KCTD12: variants seen among roughly 807,000 people sequenced by gnomAD.
KCTD12 encodes potassium channel tetramerization domain containing 12.
Under a neutral mutation model 22.6 loss-of-function variants are expected in KCTD12, and 16 were observed. The ratio of observed to expected loss-of-function variants is 0.71; its 90% CI spans 0.48 to 1.07. The LOEUF is 1.07. Among genes scored for constraint, KCTD12 ranks in the 50% least tolerant of loss-of-function variants. The pLI is 0.00. For synonymous variants in KCTD12, 260 were observed against 228.0 expected (o/e 1.14, Z -1.26); for missense variants, 452 against 469.2 (o/e 0.96, Z 0.34).
rs2033194707 is a variant in KCTD12 at position 76,880,783 on chromosome 13, A to C, written c.*4388T>G. ...TGTATAATAGTTTACATTACAATTA[A>C]TGTACCCATACCTCAAAACACATTT... On this transcript the variant is annotated 3_prime_UTR_variant, in exon 1 of 1. Transcript: ENST00000377474. 1 of 152,642 alleles carries C rather than the reference A, an allele frequency of 6.6e-6. No homozygotes were observed. The highest frequency in any genetic ancestry group is 1.5e-5 in the Non-Finnish European group (1 of 68,006). The allele number at this position is 152,642 out of a possible 1,614,324, so 9.5% of individuals were successfully genotyped here.
At position 76,885,831 on chromosome 13, in the gene KCTD12, G is replaced by A. The variant is rs759704198; in HGVS notation, c.318C>T (p.Tyr106=). The part of the protein sequence containing the change: ...LRDLQLVLPD[Y]FPERSRLQRE... Reference sequence around the variant, plus strand: ...GCTGCAGCCGGCTGCGCTCGGGGAAGTAGTCGGGCAGCACGAGCTGCAAGT... The same window carrying A: ...GCTGCAGCCGGCTGCGCTCGGGGAAATAGTCGGGCAGCACGAGCTGCAAGT... The change falls in exon 1 of 1, where the codon TAC becomes TAT. Residue 106 remains tyrosine, a synonymous_variant. Transcript: ENST00000377474. The surrounding 1 kb of genome is among the most constrained non-coding windows in gnomAD (Gnocchi z 5.1). 1.1e-5 allele frequency: 18 copies of A among 1,595,530 alleles called. No individual in the cohort carries two copies. Among genetic ancestry groups the A allele is most frequent in the Non-Finnish European group, 1.5e-5 (18 of 1,178,864 alleles).
At position 76,881,955 on chromosome 13, in the gene KCTD12, T is replaced by C. The variant is rs952195466; in HGVS notation, c.*3216A>G. On this transcript the variant is annotated 3_prime_UTR_variant, in exon 1 of 1. Coordinates refer to ENST00000377474, the MANE Select transcript of KCTD12 (RefSeq NM_138444.4). ...ATCAAATGGTAATTAGGGCAACATA[T>C]GTAAATGCATGCCTCTGAATCAGAT... 16 of 152,270 alleles carry C rather than the reference T, an allele frequency of 1.1e-4. No individual in the cohort carries two copies. The highest frequency in any genetic ancestry group is 8.5e-4 in the Admixed American group (13 of 15,298). 9.4% of individuals were successfully genotyped at this position (152,270 alleles called of 1,614,324 possible).
Position 76,885,660 on chromosome 13 carries a change from C to A in KCTD12, c.489G>T (p.Glu163Asp), listed in dbSNP as rs776148938. The A allele has an allele frequency of 1.3e-5, 19 of 1,476,094 alleles. No homozygotes were observed. Among genetic ancestry groups the A allele is most frequent in the Non-Finnish European group, 1.6e-5 (18 of 1,126,258 alleles). The allele number at this position is 1,476,094 out of a possible 1,614,324, so 91.4% of individuals were successfully genotyped here. A position where few individuals can be genotyped will look rare whatever the true frequency, so the allele number is the denominator to read the frequency against. The change falls in exon 1 of 1, where the codon GAG becomes GAT. Residue 163 changes from glutamate (E) to aspartate (D), a missense_variant. Glu to Asp is a conservative substitution (Grantham distance 45). This residue lies in a region of KCTD12 where 330 missense variants were observed against 296.5 expected (regional missense o/e 1.11). Coordinates refer to ENST00000377474, the MANE Select transcript of KCTD12 (RefSeq NM_138444.4). The surrounding 1 kb of genome is among the most constrained non-coding windows in gnomAD (Gnocchi z 5.1). ...CAGAGGCGCCCTCCTGCTGTTCGGG[C>A]TCCGAGTAGCCAAGCGGCAGCAGCT... ...GDELLPLGYS[E>D]PEQQEGASAG...
rs542216619 is a variant in KCTD12, at chr13:76,881,293, A to C, written c.*3878T>G. 1 of 152,566 alleles carries C rather than the reference A, an allele frequency of 6.6e-6. No homozygotes were observed. Among genetic ancestry groups the C allele is most frequent in the Non-Finnish European group, 1.5e-5 (1 of 67,962 alleles). 9.5% of individuals were successfully genotyped at this position (152,566 alleles called of 1,614,324 possible). The stretch of plus-strand genomic sequence containing the variant: ...ATTTGTGATTTAGACTATAAAATAA[A>C]TTCTCAAGGAATTCAACCCCTCCAG... On this transcript the variant is annotated 3_prime_UTR_variant, in exon 1 of 1. Transcript: ENST00000377474.
Position 76,884,118 on chromosome 13 carries a change from C to T in KCTD12, c.*1053G>A, listed in dbSNP as rs2033233349. On this transcript the variant is annotated 3_prime_UTR_variant, in exon 1 of 1. Transcript: ENST00000377474. The stretch of plus-strand genomic sequence containing the variant: ...CTTCCAACTTTCAAATCATAAATGA[C>T]TATGTCTGCTTCTCCCTTCCCACCC... The T allele has an allele frequency of 6.6e-6, 1 of 152,202 alleles. No homozygotes were observed. The highest frequency in any genetic ancestry group is 3.2e-3 in the Middle Eastern group (1 of 316). 9.4% of individuals were successfully genotyped at this position (152,202 alleles called of 1,614,324 possible).
rs1239999424 is a variant in KCTD12, at chr13:76,885,600, G to A, written c.549C>T (p.Ser183=). ...GAPSPTLELA[S]RSPSGGAAGP... The stretch of plus-strand genomic sequence containing the variant: ...CCGCCGCGCCCCCGGACGGACTGCG[G>A]CTAGCCAGCTCCAGCGTGGGCGACG... The change falls in exon 1 of 1, where the codon AGC becomes AGT. Residue 183 remains serine, a synonymous_variant. Coordinates refer to ENST00000377474, the MANE Select transcript of KCTD12 (RefSeq NM_138444.4). The surrounding 1 kb of genome is among the most constrained non-coding windows in gnomAD (Gnocchi z 5.1). 3.3e-6 allele frequency: 5 copies of A among 1,528,260 alleles called. No individual in the cohort carries two copies. Among genetic ancestry groups the A allele is most frequent in the Non-Finnish European group, 4.4e-6 (5 of 1,145,524 alleles). 94.7% of individuals were successfully genotyped at this position (1,528,260 alleles called of 1,614,324 possible). A position where few individuals can be genotyped will look rare whatever the true frequency, so the allele number is the denominator to read the frequency against.
In KCTD12 at chr13:76,885,357, C is replaced by T. The variant is rs2033252381; in HGVS notation, c.792G>A (p.Glu264=). 1.2e-6 allele frequency: 2 copies of T among 1,613,934 alleles called. No homozygotes were observed. The highest frequency in any genetic ancestry group is 1.3e-5 in the African/African-American group (1 of 75,064). The part of the protein sequence containing the change: ...NESRDPDRPP[E]RYTSRYYLKF... The stretch of plus-strand genomic sequence containing the variant: ...TGAGGTAATAGCGCGAGGTGTAGCG[C>T]TCCGGGGGACGGTCGGGGTCCCGGC... The change falls in exon 1 of 1, where the codon GAG becomes GAA. Residue 264 remains glutamate, a synonymous_variant. Transcript: ENST00000377474. This position sits in a 1 kb window ranked among gnomAD's most constrained non-coding sequence, Gnocchi z 5.1.
Position 76,884,707 on chromosome 13 carries a change from C to A in KCTD12, c.*464G>T. ...AAACACTAACCCCAGACAGTGGAAC[C>A]AATCCTGATCTCTTAAACCCCCAGT... On this transcript the variant is annotated 3_prime_UTR_variant, in exon 1 of 1. Coordinates refer to ENST00000377474, the MANE Select transcript of KCTD12 (RefSeq NM_138444.4). 6.2e-6 allele frequency: 1 copy of A among 160,556 alleles called. No individual in the cohort carries two copies. 9.9% of individuals were successfully genotyped at this position (160,556 alleles called of 1,614,324 possible).
At position 76,881,101 on chromosome 13, in the gene KCTD12, C is replaced by T. The variant is rs1393989773; in HGVS notation, c.*4070G>A. The T allele has an allele frequency of 4.6e-5, 7 of 152,214 alleles. No homozygotes were observed. The highest frequency in any genetic ancestry group is 1.4e-4 in the African/African-American group (6 of 41,542). The allele number at this position is 152,214 out of a possible 1,614,324, so 9.4% of individuals were successfully genotyped here. On this transcript the variant is annotated 3_prime_UTR_variant, in exon 1 of 1. Transcript: ENST00000377474. ...AGATACTGAAAATAGGAGTATTTTA[C>T]TTATTTCTCAAGAGACAGACTTATG...
rs766370213 is a variant in KCTD12 at position 76,885,717 on chromosome 13, G to C, written c.432C>G (p.Arg144=). ...CCAGCGAGCCCTCCTTGTGCACCCC[G>C]CGCCGCGAGGGCGGCGGCCCCGGGC... is the stretch of plus-strand genomic sequence containing the variant. ...QPGPGPPPSR[R]GVHKEGSLGD... The change falls in exon 1 of 1, where the codon CGC becomes CGG. Residue 144 remains arginine (R), a synonymous_variant. Coordinates refer to ENST00000377474, the MANE Select transcript of KCTD12 (RefSeq NM_138444.4). This position sits in a 1 kb window ranked among gnomAD's most constrained non-coding sequence, Gnocchi z 5.1. The C allele has an allele frequency of 3.5e-4, 489 of 1,405,902 alleles. 3 individuals are homozygous for C. The highest frequency in any genetic ancestry group is 2.2e-4 in the Middle Eastern group (1 of 4,624). 87.1% of individuals were successfully genotyped at this position (1,405,902 alleles called of 1,614,324 possible). A position where few individuals can be genotyped will look rare whatever the true frequency, so the allele number is the denominator to read the frequency against.
chr13:76,885,152 G>C lies in KCTD12; in HGVS notation c.*19C>G, dbSNP rs552984411. ...AGGAGAAGGACTGGGCGCTGGAGTG[G>C]CGAGGGGGTCTGGGGAGCTCACTCC... is the stretch of plus-strand genomic sequence containing the variant. On this transcript the variant is annotated 3_prime_UTR_variant, in exon 1 of 1. Transcript: ENST00000377474. This position sits in a 1 kb window ranked among gnomAD's most constrained non-coding sequence, Gnocchi z 5.1. 13 of 1,602,932 alleles carry C rather than the reference G, an allele frequency of 8.1e-6. No individual in the cohort carries two copies. Among genetic ancestry groups the C allele is most frequent in the Non-Finnish European group, 1.0e-5 (12 of 1,172,710 alleles).
chr13:76,885,510 G>T lies in KCTD12; in HGVS notation c.639C>A (p.Gly213=). The part of the protein sequence containing the change: ...GSRRSGYITI[G]YRGSYTIGRD... ...GCCCGATGGTGTAGGAGCCGCGGTA[G>T]CCGATGGTGATGTAGCCCGAGCGCC... is the stretch of plus-strand genomic sequence containing the variant. The change falls in exon 1 of 1, where the codon GGC becomes GGA. Residue 213 remains glycine, a synonymous_variant. Transcript: ENST00000377474. This position sits in a 1 kb window ranked among gnomAD's most constrained non-coding sequence, Gnocchi z 5.1. The T allele has an allele frequency of 6.2e-7, 1 of 1,600,626 alleles. No individual in the cohort carries two copies.
rs770446602 is a variant in KCTD12, at chr13:76,885,543, G to A, written c.606C>T (p.Asp202=). The A allele has an allele frequency of 6.4e-6, 10 of 1,567,016 alleles. No individual in the cohort carries two copies. Among genetic ancestry groups the A allele is most frequent in the South Asian group, 1.1e-5 (1 of 87,104 alleles). The change falls in exon 1 of 1, where the codon GAC becomes GAT. Residue 202 remains aspartate, a synonymous_variant. Transcript: ENST00000377474. This position sits in a 1 kb window ranked among gnomAD's most constrained non-coding sequence, Gnocchi z 5.1. ...GPLLTPSQSL[D]GSRRSGYITI... is the part of the protein sequence containing the mutation. ...TGATGTAGCCCGAGCGCCGGCTGCC[G>A]TCCAGCGACTGGGACGGCGTGAGCA...
In KCTD12 at chr13:76,881,125, T is replaced by C. The variant is rs2033198120; in HGVS notation, c.*4046A>G. The C allele has an allele frequency of 6.6e-6, 1 of 152,180 alleles. No individual in the cohort carries two copies. The highest frequency in any genetic ancestry group is 2.4e-5 in the African/African-American group (1 of 41,450). The allele number at this position is 152,180 out of a possible 1,614,324, so 9.4% of individuals were successfully genotyped here. On this transcript the variant is annotated 3_prime_UTR_variant, in exon 1 of 1. Coordinates refer to ENST00000377474, the MANE Select transcript of KCTD12 (RefSeq NM_138444.4). The stretch of plus-strand genomic sequence containing the variant: ...ACTTATTTCTCAAGAGACAGACTTA[T>C]GCCATCTAAGAAAATGAATTCAGTT...
At position 76,885,503 on chromosome 13, in the gene KCTD12, C is replaced by T; in HGVS notation, c.646G>A (p.Gly216Ser). 2 of 1,601,916 alleles carry T rather than the reference C, an allele frequency of 1.2e-6. No individual in the cohort carries two copies. Among genetic ancestry groups the T allele is most frequent in the Non-Finnish European group, 1.7e-6 (2 of 1,176,920 alleles). ...RSGYITIGYR[G>S]SYTIGRDAQA... is the part of the protein sequence containing the mutation. ...GCGTCCCGCCCGATGGTGTAGGAGC[C>T]GCGGTAGCCGATGGTGATGTAGCCC... Residue 216 changes from glycine to serine, a missense_variant, in exon 1 of 1, where the codon GGC becomes AGC. Physicochemically the swap from Gly to Ser is moderately conservative, Grantham distance 56. Transcript: ENST00000377474. This position sits in a 1 kb window ranked among gnomAD's most constrained non-coding sequence, Gnocchi z 5.1.
Position 76,885,914 on chromosome 13 carries a change from G to C in KCTD12, c.235C>G (p.Arg79Gly). 6.3e-7 allele frequency: 1 copy of C among 1,596,504 alleles called. No individual in the cohort carries two copies. Among genetic ancestry groups the C allele is most frequent in the Non-Finnish European group, 8.5e-7 (1 of 1,178,980 alleles). The change falls in exon 1 of 1, where the codon CGC becomes GGC. Residue 79 changes from arginine (R) to glycine (G), a missense_variant. By Grantham distance (125) the Arg-to-Gly change is moderately radical. This residue lies in a region of KCTD12 where 330 missense variants were observed against 296.5 expected (regional missense o/e 1.11). Transcript: ENST00000377474. This position sits in a 1 kb window ranked among gnomAD's most constrained non-coding sequence, Gnocchi z 5.1. ...AAGCCGTCCCGGTCCAGAAAGAAGC[G>C]GCCTTTGCTGTCCCGGGCCAGCTCC... ...PQELARDSKG[R>G]FFLDRDGFLF...
In KCTD12 at chr13:76,882,786, A is replaced by G. The variant is rs1248770390; in HGVS notation, c.*2385T>C. 6.6e-6 allele frequency: 1 copy of G among 152,154 alleles called. No individual in the cohort carries two copies. Among genetic ancestry groups the G allele is most frequent in the Non-Finnish European group, 1.5e-5 (1 of 68,032 alleles). 9.4% of individuals were successfully genotyped at this position (152,154 alleles called of 1,614,324 possible). On this transcript the variant is annotated 3_prime_UTR_variant, in exon 1 of 1. Coordinates refer to ENST00000377474, the MANE Select transcript of KCTD12 (RefSeq NM_138444.4). ...CATACAAGCAAGCACAACTTCCTAG[A>G]TTTCTGCTTCCATTTCGCCTAAAAT...
rs1162994622 is a variant in KCTD12 at position 76,881,148 on chromosome 13, G to A, written c.*4023C>T. The A allele has an allele frequency of 1.3e-5, 2 of 152,058 alleles. No individual in the cohort carries two copies. The highest frequency in any genetic ancestry group is 2.9e-5 in the Non-Finnish European group (2 of 67,974). The allele number at this position is 152,058 out of a possible 1,614,324, so 9.4% of individuals were successfully genotyped here. A position where few individuals can be genotyped will look rare whatever the true frequency, so the allele number is the denominator to read the frequency against. On this transcript the variant is annotated 3_prime_UTR_variant, in exon 1 of 1. Transcript: ENST00000377474. Reference sequence around the variant, plus strand: ...TATGCCATCTAAGAAAATGAATTCAGTTTTTAAATGATTTATAGTAAGGAA... The same window carrying A: ...TATGCCATCTAAGAAAATGAATTCAATTTTTAAATGATTTATAGTAAGGAA...
In KCTD12 at chr13:76,882,763, T is replaced by A. The variant is rs1357582808; in HGVS notation, c.*2408A>T. The A allele has an allele frequency of 6.6e-6, 1 of 151,524 alleles. No individual in the cohort carries two copies. Among genetic ancestry groups the A allele is most frequent in the Non-Finnish European group, 1.5e-5 (1 of 67,972 alleles). 9.4% of individuals were successfully genotyped at this position (151,524 alleles called of 1,614,324 possible). A position where few individuals can be genotyped will look rare whatever the true frequency, so the allele number is the denominator to read the frequency against. On this transcript the variant is annotated 3_prime_UTR_variant, in exon 1 of 1. Transcript: ENST00000377474. ...ACTTAGTCTGAGACCAAACTCAACA[T>A]ACAAGCAAGCACAACTTCCTAGATT...
Sources: gnomAD v4.1 joint callset for allele counts on GRCh38, gnomAD v4.1.1 for gene constraint, gnomAD v4.1.1 regional missense constraint, Gnocchi (gnomAD v3.1) non-coding constraint, MANE v1.5 for transcripts, NCBI Gene and HGNC (gene_info 2026-07-23, HGNC 2026-07-21) for gene names.